Variants in PAFAH1B1 observed in about 807,000 individuals in gnomAD.
PAFAH1B1 encodes the protein platelet-activating factor acetylhydrolase IB subunit beta.
PAFAH1B1 carries 2 observed loss-of-function variants against 57.5 expected under a neutral mutation model. The observed-to-expected ratio is 0.03, with a 90% CI of 0.01 to 0.11. PAFAH1B1 has a LOEUF of 0.11. PAFAH1B1 is among the 10% of genes least tolerant of loss of function. The probability of loss-of-function intolerance (pLI) is 1.00; values close to 1 mark genes in which losing one functional copy is unlikely to be tolerated. For missense variants in PAFAH1B1, 257 were observed against 512.0 expected, an observed-to-expected ratio of 0.50 and a Z score of 4.81; for synonymous variants, 152 against 169.6, an observed-to-expected ratio of 0.90 and a Z score of 0.81.
chr17:2,602,745 C>A (rs1597508779), intron 1 of PAFAH1B1, among the ~76,000 whole-genome samples: 6 of 152,350 alleles, frequency 3.9e-5, no homozygotes, highest in Admixed American at 3.9e-4. Context: ...ATTTATTTAA[C>A]AAATATTTAC....
Position 2,617,625 on chromosome 17 carries a change from T to TA in PAFAH1B1, c.-190-20474_-190-20473insA, listed in dbSNP as rs2068362067. On this transcript the variant is annotated intron_variant, in intron 1 of 10. Transcript: ENST00000397195. ...AATAAGAAGTAGACGTGTTAAAGTC[T>TA]CAGTGTTTGAGGCCAGGCATGGTGG... Among the ~76,000 whole-genome samples the TA allele has an allele frequency of 3.3e-5, 5 of 152,208 alleles. 1 individual carries two copies. The South Asian group carries it at 1.0e-3, about 32-fold the overall frequency.
chr17:2,594,512 C>T (rs1233860640), intron 1 of PAFAH1B1, among the ~76,000 whole-genome samples: 1 of 152,154 alleles, frequency 6.6e-6, no homozygotes. Flanking sequence ...AGCCCCGCGC[C>T]GCCGGGGCAC....
Position 2,632,823 on chromosome 17 carries a change from G to T in PAFAH1B1, c.-190-5276G>T, listed in dbSNP as rs149402759. ...CTACACCATTTTTTATCAGGGATAT[G>T]AGCAACCTCGGATACCAAAATCCTG... On this transcript the variant is annotated intron_variant, in intron 1 of 10. Coordinates refer to ENST00000397195, the MANE Select transcript of PAFAH1B1 (RefSeq NM_000430.4). 3.9e-5 allele frequency among the ~76,000 whole-genome samples: 6 copies of T among 152,210 alleles called. No individual in the cohort carries two copies. The East Asian group carries it at 9.6e-4, about 24-fold the overall frequency.
chr17:2,593,937 C>A lies in PAFAH1B1; in HGVS notation c.-260C>A. ...CTCCTTCCTCCCTCCCCTCTCCCTC[C>A]CCCTCCCCCGCCGGTGGATGGGAGT... On this transcript the variant is annotated 5_prime_UTR_variant, in exon 1 of 11. Transcript: ENST00000397195. The A allele has an allele frequency of 2.5e-6, 1 of 393,888 alleles. No homozygotes were observed. Among genetic ancestry groups the A allele is most frequent in the East Asian group, 3.6e-5 (1 of 27,766 alleles). 24.4% of individuals were successfully genotyped at this position (393,888 alleles called of 1,614,324 possible). A position where few individuals can be genotyped will look rare whatever the true frequency, so the allele number is the denominator to read the frequency against.
chr17:2,681,620 C>G (rs1005873990), intron 10 of PAFAH1B1, 109 bp from the exon 11 acceptor site: 5 of 813,628 alleles, frequency 6.1e-6, no homozygotes, highest in East Asian at 5.3e-5. Flanking sequence ...CACTACCATG[C>G]CCGGCTAATT....
intron 2 of PAFAH1B1, among the ~76,000 whole-genome samples, chr17:2,649,099 A>G (rs1009208054): frequency 6.6e-6 from 1 of 151,364 alleles, no homozygotes; most frequent in Non-Finnish European, 1.5e-5. Flanking sequence ...TAACCCGAGC[A>G]CTTTGGGATG....
chr17:2,680,075 T>G (rs541075851), intron 9 of PAFAH1B1, 89 bp from the exon 10 acceptor site: 1 of 1,150,694 alleles, frequency 8.7e-7, no homozygotes, highest in South Asian at 1.3e-5. Flanking sequence ...TTTGATGTTT[T>G]TGGTATGTAT....
chr17:2,633,310 G>A (rs1419982661), intron 1 of PAFAH1B1, among the ~76,000 whole-genome samples: 1 of 151,694 alleles, frequency 6.6e-6, no homozygotes, highest in Non-Finnish European at 1.5e-5. Flanking sequence ...TGGGATTACA[G>A]GTGCCTGCTG....
intron 1 of PAFAH1B1, among the ~76,000 whole-genome samples, chr17:2,599,436 T>TA (rs1489897671): frequency 1.3e-5 from 2 of 152,230 alleles, no homozygotes; most frequent in Non-Finnish European, 2.9e-5. Flanking sequence ...TTTATTAACA[T>TA]ATGGTCTTGT....
Position 2,665,437 on chromosome 17 carries a change from A to G in PAFAH1B1, c.98A>G (p.Lys33Arg). Residue 33 changes from lysine to arginine, a missense_variant, in exon 3 of 11, where the codon AAG becomes AGG. Coordinates refer to ENST00000397195, the MANE Select transcript of PAFAH1B1 (RefSeq NM_000430.4). ...GYEEAYSVFKKEAELDVNEEL... is the reference protein window; with the variant it reads ...GYEEAYSVFKREAELDVNEEL... ...GAAGAGGCATATTCAGTTTTTAAAAAGGAAGCTGAATTAGATGTGGTATGT... is the reference window on the plus strand; with the variant it reads ...GAAGAGGCATATTCAGTTTTTAAAAGGGAAGCTGAATTAGATGTGGTATGT... The G allele has an allele frequency of 6.3e-7, 1 of 1,594,016 alleles. No homozygotes were observed. The highest frequency in any genetic ancestry group is 8.6e-7 in the Non-Finnish European group (1 of 1,162,456).
intron 2 of PAFAH1B1, 143 bp downstream of exon 2, chr17:2,638,463 T>G (rs2151634677): frequency 1.4e-6 from 1 of 698,732 alleles, no homozygotes; most frequent in South Asian, 1.7e-5. Flanking sequence ...CAGTTTGGTC[T>G]GATTTTAAAA....
chr17:2,595,513 T>G (rs2068076072), intron 1 of PAFAH1B1, among the ~76,000 whole-genome samples: 1 of 151,376 alleles, frequency 6.6e-6, no homozygotes, highest in Non-Finnish European at 1.5e-5. Flanking sequence ...TGTGTCATAG[T>G]GATGTTGAAT....
chr17:2,635,810 A>G (rs954541448), intron 1 of PAFAH1B1, among the ~76,000 whole-genome samples: 8 of 151,842 alleles, frequency 5.3e-5, no homozygotes, highest in East Asian at 1.9e-4. Flanking sequence ...TTTTCACTCT[A>G]TATAATTGAG....
Position 2,685,372 on chromosome 17 carries a change from G to A in PAFAH1B1, c.*3570G>A, listed in dbSNP as rs886052733. ...TGACACTGACATGAAGGCAAGCCTT[G>A]ATTTCGTATGAACGTTGCTGAAGTG... On this transcript the variant is annotated 3_prime_UTR_variant, in exon 11 of 11. Transcript: ENST00000397195. 2.0e-5 allele frequency: 3 copies of A among 152,574 alleles called. No homozygotes were observed. The highest frequency in any genetic ancestry group is 4.4e-5 in the Non-Finnish European group (3 of 68,042). 9.5% of individuals were successfully genotyped at this position (152,574 alleles called of 1,614,324 possible).
At chr17:2,667,282 C>G in intron 5 of PAFAH1B1, 84 bp downstream of exon 5, 1 of 967,014 alleles carries the variant, frequency 1.0e-6, no homozygotes, top group Non-Finnish European at 1.6e-6. Context: ...TGCAGTGAGC[C>G]GAGATTGCAC....
chr17:2,652,295 G>C (rs1489515531), intron 2 of PAFAH1B1, among the ~76,000 whole-genome samples: 6 of 152,090 alleles, frequency 3.9e-5, no homozygotes, highest in Non-Finnish European at 8.8e-5. Context: ...GGTGCCTGTA[G>C]TCCCAGCTAC....
chr17:2,667,222 T>G (rs771182759), intron 5 of PAFAH1B1, 24 bp downstream of exon 5: 7 of 1,566,472 alleles, frequency 4.5e-6, no homozygotes, highest in Non-Finnish European at 6.2e-6. Context: ...AAAAGCAGAC[T>G]TAACGGGAGG....
chr17:2,637,597 A>G (rs185624888), intron 1 of PAFAH1B1, among the ~76,000 whole-genome samples: 15 of 152,280 alleles, frequency 9.9e-5, no homozygotes, highest in Admixed American at 9.8e-4. Context: ...TAAAAAGCGT[A>G]AGATTGCTAA....
chr17:2,653,674 G>T (rs541649656), intron 2 of PAFAH1B1, among the ~76,000 whole-genome samples: 2 of 152,102 alleles, frequency 1.3e-5, no homozygotes, highest in African/African-American at 4.8e-5. Context: ...CAAAGTACAC[G>T]AATGAATTTG....
Sources: gnomAD v4.1 joint callset for allele counts (sites outside exome capture counted in the v4.1 genomes callset) on GRCh38, gnomAD v4.1.1 for gene constraint, MANE v1.5 for transcripts, NCBI Gene and HGNC (gene_info 2026-07-23, HGNC 2026-07-21) for gene names.